ELL: variants seen among roughly 807,000 people sequenced by gnomAD.
The protein encoded by ELL is elongation factor for RNA polymerase II.
Under a neutral mutation model 64.0 loss-of-function variants are expected in ELL, and 18 were observed. The ratio of observed to expected loss-of-function variants is 0.28; its 90% CI spans 0.19 to 0.42. ELL has a LOEUF of 0.42. ELL is among the 10% of genes least tolerant of loss of function. The pLI, the probability that ELL is intolerant of heterozygous loss-of-function variation, is 1.00. For synonymous variants in ELL, 399 were observed against 376.2 expected, an observed-to-expected ratio of 1.06 and a Z score of -0.70; for missense variants, 797 against 870.4, an observed-to-expected ratio of 0.92 and a Z score of 1.06.
Position 18,518,884 on chromosome 19 carries a change from C to T in ELL, c.135+3037G>A, listed in dbSNP as rs575212440. On this transcript the variant is annotated intron_variant, in intron 1 of 11. Coordinates refer to ENST00000262809, the MANE Select transcript of ELL (RefSeq NM_006532.4). ...ACTGCTGCGCCTTTACCTTCCACCA[C>T]GCTGCTCCAGCTGGCTACCAGGTCA... Among the ~76,000 whole-genome samples the T allele has an allele frequency of 7.8e-4, 118 of 152,144 alleles. No homozygotes were observed. The Middle Eastern group carries it at 0.01, about 13-fold the overall frequency.
At chr19:18,462,366 T>TGTGTGTGCG (rs1392630400) in intron 4 of ELL, among the ~76,000 whole-genome samples, 1 of 31,222 alleles carries the variant, frequency 3.2e-5, no homozygotes, top group African/African-American at 4.4e-4. Flanking sequence ...TGTGTGTGTT[T>TGTGTGTGCG]GGGCGGGGGG....
chr19:18,484,954 C>G (rs1020554114), intron 1 of ELL, among the ~76,000 whole-genome samples: 1 of 152,216 alleles, frequency 6.6e-6, no homozygotes, highest in Admixed American at 6.5e-5. Context: ...ATGGAAGAAG[C>G]TAAGGGACTG....
In ELL at chr19:18,444,583, G is replaced by C; in HGVS notation, c.*169C>G. On this transcript the variant is annotated 3_prime_UTR_variant, in exon 12 of 12. Coordinates refer to ENST00000262809, the MANE Select transcript of ELL (RefSeq NM_006532.4). ...CTCAGGAAGCGCAGGGAGGGCCGAG[G>C]TGGGCTTGCAGCCACCCGCCAGGGC... The C allele has an allele frequency of 1.5e-6, 1 of 649,592 alleles. No homozygotes were observed. Among genetic ancestry groups the C allele is most frequent in the Non-Finnish European group, 2.6e-6 (1 of 391,492 alleles). The allele number at this position is 649,592 out of a possible 1,614,324, so 40.2% of individuals were successfully genotyped here.
At chr19:18,465,276 T>C in intron 4 of ELL, 136 bp downstream of exon 4, 1 of 1,281,452 alleles carries the variant, frequency 7.8e-7, no homozygotes, top group South Asian at 1.6e-5. Context: ...CACGTCCTGC[T>C]CAGGGACCGA....
intron 5 of ELL, among the ~76,000 whole-genome samples, chr19:18,459,829 G>A (rs981546652): frequency 6.6e-6 from 1 of 152,166 alleles, no homozygotes; most frequent in African/African-American, 2.4e-5. Flanking sequence ...CCCGGCCCAT[G>A]GGGAGCATTT....
chr19:18,469,930 C>T (rs923383147), intron 2 of ELL, among the ~76,000 whole-genome samples: 1 of 152,238 alleles, frequency 6.6e-6, no homozygotes, highest in Non-Finnish European at 1.5e-5. Flanking sequence ...ATCCAGGGGG[C>T]GTTCCGACAA....
rs1168876678 is a variant in ELL, at chr19:18,450,484, G to A, written c.1458C>T (p.Asp486=). The A allele has an allele frequency of 1.2e-6, 2 of 1,612,624 alleles. No individual in the cohort carries two copies. Among genetic ancestry groups the A allele is most frequent in the Non-Finnish European group, 1.7e-6 (2 of 1,179,754 alleles). ...TCCTGCCTGGGCACCTACCTGGGGT[G>A]TCTGCTGGGGCTCCGGGGGTGGCAT... ...ATHATPGAPA[D]TPGLNGTCSV... is the part of the protein sequence containing the mutation. Residue 486 remains aspartate, a synonymous_variant, in exon 8 of 12, where the codon GAC becomes GAT. Coordinates refer to ENST00000262809, the MANE Select transcript of ELL (RefSeq NM_006532.4).
intron 1 of ELL, among the ~76,000 whole-genome samples, chr19:18,485,751 C>T (rs1021233511): frequency 1.3e-5 from 2 of 152,158 alleles, no homozygotes; most frequent in Middle Eastern, 3.2e-3. Flanking sequence ...ACTTTGAGAG[C>T]CAAGACGAGC....
chr19:18,487,644 G>A (rs780864433), intron 1 of ELL, among the ~76,000 whole-genome samples: 2 of 152,186 alleles, frequency 1.3e-5, no homozygotes, highest in Non-Finnish European at 2.9e-5. Context: ...ACATCTCTGG[G>A]ACGAGGACCC....
intron 2 of ELL, among the ~76,000 whole-genome samples, chr19:18,466,867 GC>G (rs1415122599): frequency 6.6e-6 from 1 of 152,162 alleles, no homozygotes; most frequent in African/African-American, 2.4e-5. Flanking sequence ...TGGCACCCAA[GC>G]CCCGTCTCCT....
chr19:18,445,339 C>A, intron 10 of ELL, 71 bp from the exon 11 acceptor site: 1 of 1,511,338 alleles, frequency 6.6e-7, no homozygotes, highest in Non-Finnish European at 9.2e-7. Flanking sequence ...TTGAGTGGTC[C>A]CAGGTGCTCT....
chr19:18,508,112 T>C (rs1975924363), intron 1 of ELL, among the ~76,000 whole-genome samples: 1 of 152,166 alleles, frequency 6.6e-6, no homozygotes, highest in African/African-American at 2.4e-5. Flanking sequence ...ACCCAGGGAC[T>C]CCCATGCGGG....
Position 18,450,742 on chromosome 19 carries a change from G to A in ELL, c.1200C>T (p.Val400=). 6.3e-7 allele frequency: 1 copy of A among 1,583,902 alleles called. No individual in the cohort carries two copies. Among genetic ancestry groups the A allele is most frequent in the African/African-American group, 1.3e-5 (1 of 74,660 alleles). Residue 400 remains valine, a synonymous_variant, in exon 8 of 12, where the codon GTC becomes GTT. Transcript: ENST00000262809. The part of the protein sequence containing the change: ...PPRAHDPLAD[V]SNDLGHSGRD... ...GGCCGCTGTGGCCCAGGTCATTGCT[G>A]ACATCGGCCAGGGGGTCGTGGGCCC...
chr19:18,450,913 G>A lies in ELL; in HGVS notation c.1029C>T (p.His343=). 2 of 1,550,092 alleles carry A rather than the reference G, an allele frequency of 1.3e-6. No homozygotes were observed. The highest frequency in any genetic ancestry group is 1.2e-5 in the South Asian group (1 of 83,010). Reference sequence around the variant, plus strand: ...CGGCAGGCTGAGCTCTCTGAGTGAAGTGCGATATCCGGGGTTTCTTGTTGG... The same window carrying A: ...CGGCAGGCTGAGCTCTCTGAGTGAAATGCGATATCCGGGGTTTCTTGTTGG... ...PLANKKPRIS[H]FTQRAQPAVN... is the part of the protein sequence containing the mutation. Residue 343 remains histidine (H), a synonymous_variant, in exon 8 of 12, where the codon CAC becomes CAT. Coordinates refer to ENST00000262809, the MANE Select transcript of ELL (RefSeq NM_006532.4).
At chr19:18,451,150 G>A (rs1348423566) in intron 7 of ELL, among the ~76,000 whole-genome samples, 175 bp from the exon 8 acceptor site, 3 of 152,184 alleles carry the variant, frequency 2.0e-5, no homozygotes, top group Non-Finnish European at 2.9e-5. Context: ...CCTCAGCTGG[G>A]GCCCATCAGC....
At chr19:18,488,924 T>C (rs558013510) in intron 1 of ELL, among the ~76,000 whole-genome samples, 3 of 152,220 alleles carry the variant, frequency 2.0e-5, no homozygotes, top group South Asian at 2.1e-4. Context: ...GCGCAGGTCA[T>C]GCGTCCTGGA....
At chr19:18,476,837 G>C (rs955267644) in intron 1 of ELL, among the ~76,000 whole-genome samples, 9 of 152,184 alleles carry the variant, frequency 5.9e-5, no homozygotes, top group Non-Finnish European at 7.3e-5. Context: ...ACGCACGCAT[G>C]AGGGTGACAG....
chr19:18,517,215 A>C (rs1421386869), intron 1 of ELL, among the ~76,000 whole-genome samples: 1 of 152,128 alleles, frequency 6.6e-6, no homozygotes, highest in African/African-American at 2.4e-5. Flanking sequence ...TCATCAGAGC[A>C]AACCGGGAGA....
At chr19:18,471,195 A>C (rs1975057750) in intron 2 of ELL, among the ~76,000 whole-genome samples, 1 of 152,168 alleles carries the variant, frequency 6.6e-6, no homozygotes, top group Admixed American at 6.5e-5. Context: ...CAACATAATG[A>C]GACTCCGTCT....
Sources: allele counts gnomAD v4.1 joint callset (sites outside exome capture counted in the v4.1 genomes callset), GRCh38; gene constraint gnomAD v4.1.1; transcripts MANE v1.5; gene names NCBI Gene and HGNC (gene_info 2026-07-23, HGNC 2026-07-21).